DAB1: variants seen among roughly 807,000 people sequenced by gnomAD.
The protein encoded by DAB1 is DAB adaptor protein 1.
Under a neutral mutation model 64.6 loss-of-function variants are expected in DAB1, and 15 were observed. That is an observed-to-expected ratio of 0.23 (90% CI 0.16 to 0.36). The LOEUF (loss-of-function observed/expected upper bound fraction) is 0.36. Among genes scored for constraint, DAB1 ranks in the 10% least tolerant of loss-of-function variants. The pLI is 1.00. For synonymous variants in DAB1, 235 were observed against 251.9 expected, an observed-to-expected ratio of 0.93 and a Z score of 0.64; for missense variants, 596 against 706.7, an observed-to-expected ratio of 0.84 and a Z score of 1.78.
chr1:57,718,173 A>G (rs1570764882), intron 6 of DAB1, among the ~76,000 whole-genome samples: 1 of 152,328 alleles, frequency 6.6e-6, no homozygotes, highest in East Asian at 1.9e-4. Flanking sequence ...ATCACCACAA[A>G]GAAATGATAA....
intron 4 of DAB1, among the ~76,000 whole-genome samples, chr1:58,252,304 C>T (rs78814614): frequency 6.6e-6 from 1 of 152,078 alleles, no homozygotes; most frequent in African/African-American, 2.4e-5. Context: ...AATGCCAGCC[C>T]CTGAACCCAT....
At chr1:57,567,543 C>A (rs1243598994) in intron 7 of DAB1, among the ~76,000 whole-genome samples, 1 of 152,094 alleles carries the variant, frequency 6.6e-6, no homozygotes, top group Non-Finnish European at 1.5e-5. Flanking sequence ...GTCTCAGCCC[C>A]AAATCTCCTT....
At chr1:57,538,115 G>A (rs978117161) in intron 7 of DAB1, among the ~76,000 whole-genome samples, 2 of 152,152 alleles carry the variant, frequency 1.3e-5, no homozygotes, top group Admixed American at 6.5e-5. Context: ...CATGAGGTTT[G>A]GAGGGTTCAA....
chr1:58,327,800 A>C (rs893237876), intron 4 of DAB1, among the ~76,000 whole-genome samples: 3 of 152,184 alleles, frequency 2.0e-5, no homozygotes, highest in East Asian at 3.9e-4. Flanking sequence ...CTCTACTAAA[A>C]ATACAAAAAT....
chr1:57,497,187 ACTGT>A (rs1195953216), intron 7 of DAB1, among the ~76,000 whole-genome samples: 3 of 152,248 alleles, frequency 2.0e-5, no homozygotes, highest in Non-Finnish European at 4.4e-5. Context: ...TCAGTGCACT[ACTGT>A]CTAACATTCT....
chr1:58,196,970 T>C (rs1657709691), intron 4 of DAB1, among the ~76,000 whole-genome samples: 1 of 152,216 alleles, frequency 6.6e-6, no homozygotes, highest in South Asian at 2.1e-4. Flanking sequence ...CCATGTGACT[T>C]AGTCTTAATA....
chr1:57,945,197 A>T (rs1645166411), intron 5 of DAB1, among the ~76,000 whole-genome samples: 2 of 152,158 alleles, frequency 1.3e-5, no homozygotes, highest in African/African-American at 4.8e-5. Context: ...ACAGGGCCAC[A>T]TTCCAATCAT....
intron 5 of DAB1, among the ~76,000 whole-genome samples, chr1:57,997,353 C>A (rs906186324): frequency 7.2e-5 from 11 of 152,154 alleles, no homozygotes; most frequent in African/African-American, 9.7e-5. Flanking sequence ...CATATAAAAC[C>A]CCAAGTCAAA....
intron 4 of DAB1, among the ~76,000 whole-genome samples, chr1:58,251,726 G>T (rs936148281): frequency 4.6e-5 from 7 of 152,214 alleles, no homozygotes; most frequent in African/African-American, 1.7e-4. Flanking sequence ...AAGGGAAATT[G>T]ACTTGATGCT....
Position 57,445,934 on chromosome 1 carries a change from A to G in DAB1, n.626-154768T>C, listed in dbSNP as rs980305963. Among the ~76,000 whole-genome samples the G allele has an allele frequency of 2.6e-5, 4 of 152,294 alleles. No individual in the cohort carries two copies. The East Asian group carries it at 7.7e-4, about 29-fold the overall frequency. Reference sequence around the variant, plus strand: ...ATGAAAAAAAACTGCATCTATTTCTATCAGTACAAAAGGAGTATTCTGAAT... The same window carrying G: ...ATGAAAAAAAACTGCATCTATTTCTGTCAGTACAAAAGGAGTATTCTGAAT... On this transcript the variant is annotated intron_variant and non_coding_transcript_variant, in intron 7 of 20. Transcript: ENST00000485760.
intron 5 of DAB1, among the ~76,000 whole-genome samples, chr1:58,029,870 G>A (rs1291369185): frequency 1.3e-5 from 2 of 152,064 alleles, no homozygotes; most frequent in Non-Finnish European, 2.9e-5. Flanking sequence ...TAGTCAAAGT[G>A]TAATCTTAGT....
chr1:57,358,962 A>G (rs1679338094), intron 1 of DAB1, among the ~76,000 whole-genome samples: 2 of 152,066 alleles, frequency 1.3e-5, no homozygotes, highest in South Asian at 4.1e-4. Context: ...AAACAGATTA[A>G]GGATTTAAAT....
Position 57,144,467 on chromosome 1 carries a change from G to A in DAB1, c.207+823C>T, listed in dbSNP as rs376383959. On this transcript the variant is annotated intron_variant, in intron 3 of 14. Transcript: ENST00000371236. ...TCCCAGCACTTTGGGAGGCCGAGGCGGACGGATCATGAGGTCAGGAGTTCG... is the reference window on the plus strand; with the variant it reads ...TCCCAGCACTTTGGGAGGCCGAGGCAGACGGATCATGAGGTCAGGAGTTCG... Among the ~76,000 whole-genome samples, 97 of 151,634 alleles carry A rather than the reference G, an allele frequency of 6.4e-4. 2 individuals are homozygous for A. In the East Asian group the frequency reaches 0.012, roughly 19 times the overall value.
chr1:57,077,485 A>G (rs1424874545), intron 4 of DAB1, among the ~76,000 whole-genome samples: 1 of 152,218 alleles, frequency 6.6e-6, no homozygotes, highest in Non-Finnish European at 1.5e-5. Context: ...GATAAGCCCT[A>G]CATATGGTGG....
chr1:57,811,507 A>G (rs7549145), intron 6 of DAB1, among the ~76,000 whole-genome samples: 58,994 of 152,120 alleles, frequency 0.39, 11,848 homozygotes, highest in South Asian at 0.51. Flanking sequence ...AGATGCTAGC[A>G]TCATGCTTCC....
intron 3 of DAB1, among the ~76,000 whole-genome samples, chr1:57,143,679 A>G (rs550926646): frequency 7.2e-5 from 11 of 152,276 alleles, no homozygotes; most frequent in Admixed American, 1.3e-4. Flanking sequence ...TCTGATATAT[A>G]TGCTAACCTA....
At chr1:57,778,696 A>G (rs1649929372) in intron 6 of DAB1, among the ~76,000 whole-genome samples, 1 of 152,112 alleles carries the variant, frequency 6.6e-6, no homozygotes, top group African/African-American at 2.4e-5. Context: ...TGCTATATAG[A>G]TAAATAACTT....
chr1:58,362,550 A>G (rs904030123), intron 3 of DAB1, among the ~76,000 whole-genome samples: 4 of 152,180 alleles, frequency 2.6e-5, no homozygotes, highest in Non-Finnish European at 5.9e-5. Flanking sequence ...CATTTCTTGG[A>G]TTCCCAGGGC....
chr1:58,019,510 C>T (rs1391794718), intron 5 of DAB1, among the ~76,000 whole-genome samples: 1 of 152,080 alleles, frequency 6.6e-6, no homozygotes, highest in Non-Finnish European at 1.5e-5. Flanking sequence ...TTATTGAGTA[C>T]CTATAATAAG....
Sources: gnomAD v4.1 joint callset for allele counts (sites outside exome capture counted in the v4.1 genomes callset) on GRCh38, gnomAD v4.1.1 for gene constraint, MANE v1.5 for transcripts, NCBI Gene and HGNC (gene_info 2026-07-23, HGNC 2026-07-21) for gene names.